Variants in SLC9A8 observed in about 807,000 individuals in gnomAD.
SLC9A8 encodes solute carrier family 9 member A8.
Under a neutral mutation model 66.6 loss-of-function variants are expected in SLC9A8, and 48 were observed. That is an observed-to-expected ratio of 0.72 (90% CI 0.57 to 0.92). SLC9A8 has a LOEUF of 0.92. SLC9A8 is among the 40% of genes least tolerant of loss of function. The probability of loss-of-function intolerance (pLI) is 0.00; values close to 1 mark genes in which losing one functional copy is unlikely to be tolerated. For synonymous variants in SLC9A8, 274 were observed against 282.6 expected (o/e 0.97, Z 0.31); for missense variants, 599 against 747.3 (o/e 0.80, Z 2.31).
intron 3 of SLC9A8, among the ~76,000 whole-genome samples, chr20:49,823,486 T>C (rs1328454): frequency 0.56 from 85,810 of 152,040 alleles, 25,211 homozygotes; most frequent in African/African-American, 0.73. Context: ...CTAAGGTAAG[T>C]AATGACACTT....
chr20:49,819,666 C>A (rs2146451985), intron 2 of SLC9A8, among the ~76,000 whole-genome samples: 1 of 152,252 alleles, frequency 6.6e-6, no homozygotes, highest in Middle Eastern at 3.4e-3. Context: ...ATTTTCATCA[C>A]CCCAAAAGAA....
At position 49,847,906 on chromosome 20, in the gene SLC9A8, T is replaced by TG. The variant is rs1211467166; in HGVS notation, c.433-1672dup. On this transcript the variant is annotated intron_variant, in intron 5 of 15. Coordinates refer to ENST00000361573, the MANE Select transcript of SLC9A8 (RefSeq NM_015266.3). ...GCAAACAGGTCAAAACTGATTAATCTGTTTTTTTTTTTTTTTTTTTGAGAT... is the reference window on the plus strand; with the variant it reads ...GCAAACAGGTCAAAACTGATTAATCTGGTTTTTTTTTTTTTTTTTTTGAGAT... Among the ~76,000 whole-genome samples, 5 of 86,178 alleles carry TG rather than the reference T, an allele frequency of 5.8e-5. No homozygotes were observed. The South Asian group carries it at 1.4e-3, about 24-fold the overall frequency. The allele number at this position is 86,178 out of a possible 152,430, so 56.5% of individuals were successfully genotyped here.
At chr20:49,867,190 A>G (rs1358089931) in intron 10 of SLC9A8, among the ~76,000 whole-genome samples, 1 of 152,128 alleles carries the variant, frequency 6.6e-6, no homozygotes, top group Non-Finnish European at 1.5e-5. Flanking sequence ...GTGAAGTTTT[A>G]TGTTGTTGAG....
chr20:49,849,671 T>G lies in SLC9A8; in HGVS notation c.525T>G (p.Phe175Leu), dbSNP rs1301619435. Residue 175 changes from phenylalanine (F) to leucine (L), a missense_variant, in exon 6 of 16, where the codon TTT becomes TTG. Physicochemically the swap from Phe to Leu is conservative, Grantham distance 22. Transcript: ENST00000361573. ...SAFVVGGGIY[F>L]LGQADVISKL... ...TTGTAGTAGGTGGAGGAATTTATTT[T>G]CTGGGTCAGGTAAGAAAATCATCTT... 2 of 1,609,902 alleles carry G rather than the reference T, an allele frequency of 1.2e-6. No homozygotes were observed. Among genetic ancestry groups the G allele is most frequent in the Non-Finnish European group, 1.7e-6 (2 of 1,176,310 alleles).
At position 49,890,797 on chromosome 20, in the gene SLC9A8, C is replaced by A. The variant is rs1322536090; in HGVS notation, c.*2861C>A. The A allele has an allele frequency of 6.6e-6, 1 of 152,252 alleles. No individual in the cohort carries two copies. The highest frequency in any genetic ancestry group is 1.5e-5 in the Non-Finnish European group (1 of 68,086). The allele number at this position is 152,252 out of a possible 1,614,324, so 9.4% of individuals were successfully genotyped here. On this transcript the variant is annotated 3_prime_UTR_variant, in exon 16 of 16. Coordinates refer to ENST00000361573, the MANE Select transcript of SLC9A8 (RefSeq NM_015266.3). ...AACTGAAGCCCTCTCGGCCCCTACC[C>A]TAAGCCAGCCACCCCTCTTCACAGT...
rs561050811 is a variant in SLC9A8, at chr20:49,888,344, G to A, written c.*408G>A. The A allele has an allele frequency of 1.1e-3, 204 of 179,830 alleles. No individual in the cohort carries two copies. The highest frequency in any genetic ancestry group is 2.7e-3 in the Middle Eastern group (1 of 370). 11.1% of individuals were successfully genotyped at this position (179,830 alleles called of 1,614,324 possible). A position where few individuals can be genotyped will look rare whatever the true frequency, so the allele number is the denominator to read the frequency against. On this transcript the variant is annotated 3_prime_UTR_variant, in exon 16 of 16. Coordinates refer to ENST00000361573, the MANE Select transcript of SLC9A8 (RefSeq NM_015266.3). The stretch of plus-strand genomic sequence containing the variant: ...CCACTGCCTTCATGCTGCCCCCGCC[G>A]GACTGGCAGAGCCAGGGGTCAGCCA...
chr20:49,879,024 A>C (rs1483576306), intron 12 of SLC9A8, among the ~76,000 whole-genome samples: 1 of 140,672 alleles, frequency 7.1e-6, no homozygotes, highest in African/African-American at 2.6e-5. Flanking sequence ...AGTCCATCTC[A>C]AAAAAAAAAA....
intron 2 of SLC9A8, among the ~76,000 whole-genome samples, chr20:49,822,575 A>G (rs1368766562): frequency 6.6e-6 from 1 of 152,232 alleles, no homozygotes; most frequent in Admixed American, 6.5e-5. Flanking sequence ...GCTTGAGCCC[A>G]AGAGTTGGAG....
chr20:49,816,090 T>C (rs73123844), intron 2 of SLC9A8, among the ~76,000 whole-genome samples: 4,092 of 152,286 alleles, frequency 0.027, 62 homozygotes, highest in African/African-American at 0.041. Flanking sequence ...AATTTAGTTA[T>C]GTACTATTTT....
intron 11 of SLC9A8, among the ~76,000 whole-genome samples, chr20:49,875,565 G>GAACAAGAAC (rs2089392221): frequency 6.6e-6 from 1 of 152,100 alleles, no homozygotes; most frequent in Non-Finnish European, 1.5e-5. Context: ...TAAGCAGTTT[G>GAACAAGAAC]TTCAAGTTCT....
chr20:49,840,163 C>T (rs1488345732), intron 4 of SLC9A8, among the ~76,000 whole-genome samples: 1 of 152,110 alleles, frequency 6.6e-6, no homozygotes, highest in African/African-American at 2.4e-5. Context: ...GTCTTGTGTC[C>T]AAACCCTCTG....
chr20:49,819,762 T>C (rs1227977683), intron 2 of SLC9A8, among the ~76,000 whole-genome samples: 4 of 152,222 alleles, frequency 2.6e-5, no homozygotes, highest in African/African-American at 9.6e-5. Flanking sequence ...GGAATTTGCC[T>C]ATTTAGAATA....
intron 3 of SLC9A8, among the ~76,000 whole-genome samples, chr20:49,837,623 G>A (rs544053611): frequency 2.0e-5 from 3 of 152,164 alleles, no homozygotes; most frequent in East Asian, 3.9e-4. Context: ...AGGCTGGAGT[G>A]CAGTGGCATG....
chr20:49,832,834 A>G (rs2087265070), intron 3 of SLC9A8, among the ~76,000 whole-genome samples: 1 of 152,120 alleles, frequency 6.6e-6, no homozygotes, highest in Admixed American at 6.6e-5. Context: ...TGTTGTCTTA[A>G]TATTGTTGAC....
At chr20:49,860,987 C>G (rs952262908) in intron 8 of SLC9A8, among the ~76,000 whole-genome samples, 7 of 152,130 alleles carry the variant, frequency 4.6e-5, no homozygotes, top group Non-Finnish European at 7.4e-5. Context: ...ATGGGCAGGC[C>G]TGCGTGAAGG....
intron 2 of SLC9A8, among the ~76,000 whole-genome samples, chr20:49,821,926 G>A (rs986830811): frequency 1.1e-4 from 17 of 152,164 alleles, no homozygotes; most frequent in Non-Finnish European, 4.4e-5. Flanking sequence ...GTGGGAGGTG[G>A]TGGGGTATGC....
intron 8 of SLC9A8, among the ~76,000 whole-genome samples, chr20:49,859,947 G>A (rs1376206041): frequency 6.6e-6 from 1 of 152,174 alleles, no homozygotes; most frequent in Non-Finnish European, 1.5e-5. Flanking sequence ...CTGGAGTTCA[G>A]AAACCATTGC....
intron 3 of SLC9A8, among the ~76,000 whole-genome samples, chr20:49,836,295 A>G (rs1209534789): frequency 2.6e-5 from 4 of 152,014 alleles, no homozygotes; most frequent in Non-Finnish European, 5.9e-5. Flanking sequence ...GATATACCAC[A>G]TTTTGTTTAC....
chr20:49,887,009 G>A lies in SLC9A8; in HGVS notation c.1638+111G>A, dbSNP rs1022210866. 3.2e-5 allele frequency: 40 copies of A among 1,268,922 alleles called. No homozygotes were observed. In the Middle Eastern group the frequency reaches 6.2e-4, roughly 20 times the overall value. 78.6% of individuals were successfully genotyped at this position (1,268,922 alleles called of 1,614,324 possible). Reference sequence around the variant, plus strand: ...AGAGTGGGGAGGCAGGAAAGCTCACGTGGGCCCGCCAGGCCGCCGCCTCCC... The same window carrying A: ...AGAGTGGGGAGGCAGGAAAGCTCACATGGGCCCGCCAGGCCGCCGCCTCCC... On this transcript the variant is annotated intron_variant, in intron 15 of 15. Transcript: ENST00000361573.
Sources: gnomAD v4.1 joint callset for allele counts (sites outside exome capture counted in the v4.1 genomes callset) on GRCh38, gnomAD v4.1.1 for gene constraint, MANE v1.5 for transcripts, NCBI Gene and HGNC (gene_info 2026-07-23, HGNC 2026-07-21) for gene names.